Variants in CCDC170 observed in about 807,000 individuals in gnomAD.
CCDC170 encodes coiled-coil domain containing 170.
Under a neutral mutation model 72.6 loss-of-function variants are expected in CCDC170, and 69 were observed. The ratio of observed to expected loss-of-function variants is 0.95; its 90% CI spans 0.78 to 1.16. The LOEUF is 1.16. CCDC170 is among the 50% of genes most tolerant of loss of function. The pLI is 0.00. For synonymous variants in CCDC170, 300 were observed against 303.9 expected, an observed-to-expected ratio of 0.99 and a Z score of 0.13; for missense variants, 852 against 832.5, an observed-to-expected ratio of 1.02 and a Z score of -0.29.
intron 5 of CCDC170, among the ~76,000 whole-genome samples, chr6:151,562,776 T>C (rs2046212): frequency 0.9 from 136,580 of 152,132 alleles, 61,470 homozygotes; most frequent in East Asian, 0.99. Flanking sequence ...GGTAGGCTGA[T>C]GTCCAGTGAA....
intron 6 of CCDC170, among the ~76,000 whole-genome samples, chr6:151,584,857 G>C (rs932660885): frequency 6.6e-6 from 1 of 152,138 alleles, no homozygotes; most frequent in African/African-American, 2.4e-5. Flanking sequence ...TGGGCAAACA[G>C]AAATTGTTTT....
At chr6:151,558,232 G>GTTTTTTTTTT (rs55648936) in intron 5 of CCDC170, among the ~76,000 whole-genome samples, 12 of 70,870 alleles carry the variant, frequency 1.7e-4, no homozygotes, top group African/African-American at 3.5e-4. Flanking sequence ...TGAGATTAGT[G>GTTTTTTTTTT]TTTTTTTTTT....
chr6:151,506,332 T>A (rs1166992332), intron 1 of CCDC170, among the ~76,000 whole-genome samples: 1 of 152,254 alleles, frequency 6.6e-6, no homozygotes, highest in East Asian at 1.9e-4. Context: ...GTTAAGTGTT[T>A]CTTTCTGATA....
chr6:151,516,356 A>G (rs1782235789), intron 1 of CCDC170, among the ~76,000 whole-genome samples: 1 of 152,166 alleles, frequency 6.6e-6, no homozygotes, highest in Admixed American at 6.5e-5. Flanking sequence ...GGCCAAGAGG[A>G]GGTCTCCATT....
At chr6:151,568,237 A>C (rs1455207467) in intron 5 of CCDC170, among the ~76,000 whole-genome samples, 1 of 152,022 alleles carries the variant, frequency 6.6e-6, no homozygotes, top group Non-Finnish European at 1.5e-5. Context: ...TGTGAACAGC[A>C]GGTGCAGGAG....
intron 10 of CCDC170, among the ~76,000 whole-genome samples, chr6:151,616,170 G>A (rs1416318349): frequency 6.6e-6 from 1 of 152,080 alleles, no homozygotes; most frequent in Non-Finnish European, 1.5e-5. Flanking sequence ...CGTTAACCAG[G>A]GCTTTGGCCT....
chr6:151,549,508 A>G (rs906091780), intron 5 of CCDC170, among the ~76,000 whole-genome samples: 1 of 152,222 alleles, frequency 6.6e-6, no homozygotes, highest in Non-Finnish European at 1.5e-5. Flanking sequence ...GTACAGGAGT[A>G]TATGGTGAAA....
At chr6:151,549,903 G>A (rs1475138364) in intron 5 of CCDC170, among the ~76,000 whole-genome samples, 1 of 152,110 alleles carries the variant, frequency 6.6e-6, no homozygotes, top group Non-Finnish European at 1.5e-5. Context: ...GCTATTATGA[G>A]TAATCTTATA....
chr6:151,609,091 T>C (rs1018329786), intron 9 of CCDC170, among the ~76,000 whole-genome samples: 3 of 152,218 alleles, frequency 2.0e-5, no homozygotes, highest in Admixed American at 6.5e-5. Flanking sequence ...AGAAGGTCTT[T>C]GTCACTTCCT....
chr6:151,526,926 C>T (rs546900440), intron 1 of CCDC170, among the ~76,000 whole-genome samples: 205 of 151,992 alleles, frequency 1.3e-3, no homozygotes, highest in Non-Finnish European at 2.5e-3. Flanking sequence ...CACTCTGTCA[C>T]CCACGCTGGA....
chr6:151,565,960 G>A (rs577826052), intron 5 of CCDC170, among the ~76,000 whole-genome samples: 5 of 152,260 alleles, frequency 3.3e-5, no homozygotes, highest in East Asian at 3.9e-4. Flanking sequence ...ATTTCCAGAT[G>A]GGAACTGTCG....
rs183953257 is a variant in CCDC170, at chr6:151,547,150, C to T, written c.589-1154C>T. 3.4e-3 allele frequency among the ~76,000 whole-genome samples: 513 copies of T among 152,288 alleles called. 3 individuals carry two copies. Among genetic ancestry groups the T allele is most frequent in the Middle Eastern group, 0.014 (4 of 294 alleles). On this transcript the variant is annotated intron_variant, in intron 4 of 10. Coordinates refer to ENST00000239374, the MANE Select transcript of CCDC170 (RefSeq NM_025059.4). ...TCATAAACACGTGTGCACACGCATT[C>T]GCAAGGAACCATGCATTCCTAACAA...
chr6:151,535,535 A>G (rs1782561777), intron 1 of CCDC170, among the ~76,000 whole-genome samples: 1 of 152,230 alleles, frequency 6.6e-6, no homozygotes, highest in Admixed American at 6.5e-5. Flanking sequence ...TTTATATCAC[A>G]TGATCTGTTT....
intron 1 of CCDC170, among the ~76,000 whole-genome samples, chr6:151,500,122 T>A (rs1781973660): frequency 6.6e-6 from 1 of 152,158 alleles, no homozygotes; most frequent in African/African-American, 2.4e-5. Context: ...TTCTGTGTGT[T>A]TTCTTCCTTT....
At chr6:151,617,408 C>CTT (rs745655791) in intron 10 of CCDC170, among the ~76,000 whole-genome samples, 4 of 91,466 alleles carry the variant, frequency 4.4e-5, no homozygotes, top group Non-Finnish European at 8.6e-5. Context: ...GCTGTTTGTT[C>CTT]TTTTTTTTTT....
At chr6:151,579,716 C>T (rs1455328451) in intron 6 of CCDC170, among the ~76,000 whole-genome samples, 1 of 152,166 alleles carries the variant, frequency 6.6e-6, no homozygotes, top group East Asian at 1.9e-4. Context: ...GTTTGAGAAA[C>T]ATGACATAGG....
rs757390950 is a variant in CCDC170, at chr6:151,573,308, T to C, written c.909T>C (p.Ser303=). The C allele has an allele frequency of 2.5e-6, 4 of 1,614,190 alleles. No homozygotes were observed. In the South Asian group the frequency reaches 4.4e-5, roughly 18 times the overall value. Residue 303 remains serine, a synonymous_variant, in exon 6 of 11, where the codon TCT becomes TCC. Transcript: ENST00000239374. ...TGAGCCTCCTGAAGAAAAGCTCTTC[T>C]GAGTTGGAGAAGAGTTTGAAGGCCA... The part of the protein sequence containing the change: ...QEVSLLKKSS[S]ELEKSLKASQ...
Position 151,593,268 on chromosome 6 carries a change from T to C in CCDC170, c.1455T>C (p.Asn485=). The C allele has an allele frequency of 6.2e-7, 1 of 1,613,666 alleles. No homozygotes were observed. The highest frequency in any genetic ancestry group is 8.5e-7 in the Non-Finnish European group (1 of 1,179,678). The change falls in exon 8 of 11, where the codon AAT becomes AAC. Residue 485 remains asparagine (N), a synonymous_variant. Coordinates refer to ENST00000239374, the MANE Select transcript of CCDC170 (RefSeq NM_025059.4). ...AVIENKTIAH[N]LQRKLKTQKE... ...TTGAGAACAAGACCATTGCCCACAA[T>C]TTGCAGAGAAAGGTAGGAGATATTG...
At chr6:151,521,292 G>C (rs999308906) in intron 1 of CCDC170, among the ~76,000 whole-genome samples, 6 of 152,158 alleles carry the variant, frequency 3.9e-5, no homozygotes, top group African/African-American at 1.4e-4. Context: ...CAAAAAGAGT[G>C]TTGAGGACAC....
Sources: gnomAD v4.1 joint callset for allele counts (sites outside exome capture counted in the v4.1 genomes callset) on GRCh38, gnomAD v4.1.1 for gene constraint, MANE v1.5 for transcripts, NCBI Gene and HGNC (gene_info 2026-07-23, HGNC 2026-07-21) for gene names.